GDAP1: variants seen among roughly 807,000 people sequenced by gnomAD.
GDAP1 encodes ganglioside induced differentiation associated protein 1.
A neutral mutation model predicts 40.1 loss-of-function variants in GDAP1; 34 were observed. The ratio of observed to expected loss-of-function variants is 0.85; its 90% confidence interval spans 0.64 to 1.13. The LOEUF is 1.13. GDAP1 is among the 50% of genes most tolerant of loss of function. The pLI is 0.00. For missense variants in GDAP1, 374 were observed against 433.7 expected (o/e 0.86, Z 1.22); for synonymous variants, 170 against 157.4 (o/e 1.08, Z -0.60).
intron 2 of GDAP1, among the ~76,000 whole-genome samples, chr8:74,468,011 A>C (rs1413958309): frequency 6.6e-6 from 1 of 152,032 alleles, no homozygotes; most frequent in African/African-American, 2.4e-5. Flanking sequence ...TTGTCTTAAA[A>C]TCATCTGTTG....
intron 2 of GDAP1, among the ~76,000 whole-genome samples, chr8:74,384,300 T>C (rs1461439561): frequency 2.0e-5 from 3 of 152,134 alleles, no homozygotes; most frequent in African/African-American, 7.2e-5. Flanking sequence ...TTTTTAAAAA[T>C]TCTTCTCAGG....
chr8:74,446,176 C>T (rs1312568843), intron 2 of GDAP1, among the ~76,000 whole-genome samples: 1 of 152,134 alleles, frequency 6.6e-6, no homozygotes, highest in African/African-American at 2.4e-5. Context: ...GATTATTGCA[C>T]CACCAATATT....
intron 2 of GDAP1, among the ~76,000 whole-genome samples, chr8:74,445,731 T>C (rs1049947900): frequency 2.0e-5 from 3 of 152,204 alleles, no homozygotes; most frequent in African/African-American, 7.2e-5. Context: ...TTGTTCTAGA[T>C]TGATTGAAAA....
intron 2 of GDAP1, among the ~76,000 whole-genome samples, chr8:74,403,461 G>T (rs572777477): frequency 6.7e-6 from 1 of 150,172 alleles, no homozygotes; most frequent in African/African-American, 2.5e-5. Flanking sequence ...CAGTTTACCC[G>T]TTCTACATAG....
intron 2 of GDAP1, among the ~76,000 whole-genome samples, chr8:74,427,398 G>T (rs1351765901): frequency 1.3e-5 from 2 of 152,126 alleles, no homozygotes; most frequent in African/African-American, 4.8e-5. Context: ...CAATTTTTGG[G>T]ATAGTTTGTT....
rs557884812 is a variant in GDAP1 at position 74,413,745 on chromosome 8, C to G, written c.165+62424C>G. On this transcript the variant is annotated intron_variant, in intron 2 of 2. Coordinates refer to the GDAP1 transcript ENST00000523640. Reference sequence around the variant, plus strand: ...TTTTTTTTTTTTTTCCTCATTGTGTCCTCTCACCATTTGGCCCCAAAGTGG... The same window carrying G: ...TTTTTTTTTTTTTTCCTCATTGTGTGCTCTCACCATTTGGCCCCAAAGTGG... Among the ~76,000 whole-genome samples, 118 of 141,114 alleles carry G rather than the reference C, an allele frequency of 8.4e-4. 2 individuals are homozygous for G. The highest frequency in any genetic ancestry group is 2.4e-3 in the Admixed American group (34 of 14,326). The allele number at this position is 141,114 out of a possible 152,430, so 92.6% of individuals were successfully genotyped here.
In GDAP1 at chr8:74,400,498, C is replaced by G. The variant is rs1428461569; in HGVS notation, c.165+49177C>G. Among the ~76,000 whole-genome samples, 65 of 150,008 alleles carry G rather than the reference C, an allele frequency of 4.3e-4. 6 individuals are homozygous for G. Among genetic ancestry groups the G allele is most frequent in the African/African-American group, 1.5e-3 (59 of 39,400 alleles). On this transcript the variant is annotated intron_variant, in intron 2 of 2. Coordinates refer to the GDAP1 transcript ENST00000523640. ...TACAGCACACTGATGGGTCTTGACT[C>G]TTTATCCAGTTTGCCAGTCTGTGTC...
At chr8:74,488,804 G>A (rs1445067850) in exon 3 of GDAP1, 2 of 152,126 alleles carry the variant, frequency 1.3e-5, no homozygotes, top group Admixed American at 1.3e-4. Context: ...TGCCAGTTGG[G>A]TTTATTTCAG....
At position 74,407,297 on chromosome 8, in the gene GDAP1, A is replaced by G. The variant is rs193082200; in HGVS notation, c.165+55976A>G. Among the ~76,000 whole-genome samples, 282 of 149,870 alleles carry G rather than the reference A, an allele frequency of 1.9e-3. 30 individuals carry two copies. Among genetic ancestry groups the G allele is most frequent in the African/African-American group, 6.8e-3 (268 of 39,204 alleles). Reference sequence around the variant, plus strand: ...TTAATATTAAGCGTCAACTTGATTGAATCGAAGTATTGTTTCTGGCTATGT... The same window carrying G: ...TTAATATTAAGCGTCAACTTGATTGGATCGAAGTATTGTTTCTGGCTATGT... On this transcript the variant is annotated intron_variant, in intron 2 of 2. Coordinates refer to the GDAP1 transcript ENST00000523640.
intron 2 of GDAP1, among the ~76,000 whole-genome samples, chr8:74,407,552 T>A (rs1053570503): frequency 6.7e-6 from 1 of 149,850 alleles, no homozygotes; most frequent in Non-Finnish European, 1.5e-5. Flanking sequence ...GGACTCAGAC[T>A]GAGTCACTAC....
chr8:74,394,604 T>C (rs888921518), intron 2 of GDAP1, among the ~76,000 whole-genome samples: 1 of 152,000 alleles, frequency 6.6e-6, no homozygotes, highest in Non-Finnish European at 1.5e-5. Flanking sequence ...GAGTTAGTCA[T>C]TTTTTTTAAA....
At chr8:74,389,607 T>C (rs1292968395) in intron 2 of GDAP1, among the ~76,000 whole-genome samples, 2 of 152,074 alleles carry the variant, frequency 1.3e-5, no homozygotes, top group Admixed American at 6.6e-5. Context: ...CTGCCCTTAA[T>C]GTTTCTCCTT....
At chr8:74,381,565 G>A (rs907694496) in intron 2 of GDAP1, among the ~76,000 whole-genome samples, 1 of 152,022 alleles carries the variant, frequency 6.6e-6, no homozygotes, top group Non-Finnish European at 1.5e-5. Flanking sequence ...AGACCAGCCT[G>A]GCCAACATGT....
In GDAP1 at chr8:74,396,788, C is replaced by T. The variant is rs369028853; in HGVS notation, c.165+45467C>T. Among the ~76,000 whole-genome samples the T allele has an allele frequency of 7.9e-5, 12 of 152,160 alleles. No individual in the cohort carries two copies. In the East Asian group the frequency reaches 2.3e-3, roughly 29 times the overall value. On this transcript the variant is annotated intron_variant, in intron 2 of 2. Transcript: ENST00000523640. Reference sequence around the variant, plus strand: ...CATTTGGGTTGGTTCCAAGTCTTTGCTATTGTGAATAGTGCCGCAATAAAC... The same window carrying T: ...CATTTGGGTTGGTTCCAAGTCTTTGTTATTGTGAATAGTGCCGCAATAAAC...
chr8:74,404,576 C>G (rs1251508422), intron 2 of GDAP1, among the ~76,000 whole-genome samples: 1 of 149,850 alleles, frequency 6.7e-6, no homozygotes, highest in Non-Finnish European at 1.5e-5. Flanking sequence ...GGAGTGAAGA[C>G]TCCAGAAGCA....
intron 2 of GDAP1, among the ~76,000 whole-genome samples, chr8:74,422,342 TTTCTTTCTTCCCTTCCTTCC>T (rs1466562817): frequency 0.065 from 3,606 of 55,212 alleles, 137 homozygotes; most frequent in Middle Eastern, 0.14. Flanking sequence ...TCTTTCTTTC[TTTCTTTCTTCCCTTCCTTCC>T]TTCCTTCCTT....
At chr8:74,407,634 T>C (rs961629250) in intron 2 of GDAP1, among the ~76,000 whole-genome samples, 2 of 150,094 alleles carry the variant, frequency 1.3e-5, no homozygotes, top group Middle Eastern at 3.4e-3. Flanking sequence ...GAGTCAGTTC[T>C]CCTTACTAAA....
At chr8:74,356,915 A>G (rs1020188667) in intron 2 of GDAP1, among the ~76,000 whole-genome samples, 3 of 151,666 alleles carry the variant, frequency 2.0e-5, no homozygotes, top group Non-Finnish European at 2.9e-5. Context: ...GGGTTTCACC[A>G]TGTTGGCCGG....
chr8:74,463,447 C>T (rs1806428261), intron 2 of GDAP1, among the ~76,000 whole-genome samples: 2 of 132,664 alleles, frequency 1.5e-5, no homozygotes, highest in African/African-American at 3.0e-5. Flanking sequence ...GGTGACAGAG[C>T]GAGACCCTGT....
Sources: allele counts gnomAD v4.1 joint callset (sites outside exome capture counted in the v4.1 genomes callset), GRCh38; gene constraint gnomAD v4.1.1; transcripts MANE v1.5; gene names NCBI Gene and HGNC (gene_info 2026-07-23, HGNC 2026-07-21).